The following C14orf39 variants were observed in gnomAD, a reference collection of about 807,000 sequenced individuals.
The protein encoded by C14orf39 is protein SIX6OS1.
In C14orf39, 66 loss-of-function variants were observed where a neutral mutation model predicts 85.6. The observed-to-expected ratio is 0.77, with a 90% CI of 0.63 to 0.95. The LOEUF is 0.95. C14orf39 is among the 40% of genes least tolerant of loss of function. The pLI, the probability that C14orf39 is intolerant of heterozygous loss-of-function variation, is 0.00. For missense variants in C14orf39, 735 were observed against 663.9 expected, an observed-to-expected ratio of 1.11 and a Z score of -1.18; for synonymous variants, 242 against 214.0, an observed-to-expected ratio of 1.13 and a Z score of -1.14.
Position 60,449,075 on chromosome 14 carries a change from T to C in C14orf39, c.1503+5926A>G, listed in dbSNP as rs531516961. ...GGGGGAGGGATAGCATTAGGAGAAA[T>C]ACCCAATGTAGATGACAAGTTGATT... On this transcript the variant is annotated intron_variant, in intron 16 of 17. Transcript: ENST00000321731. Among the ~76,000 whole-genome samples, 13 of 152,154 alleles carry C rather than the reference T, an allele frequency of 8.5e-5. No homozygotes were observed. The South Asian group carries it at 2.7e-3, about 32-fold the overall frequency.
At position 60,485,006 on chromosome 14, in the gene C14orf39, C is replaced by T. The variant is rs1269076845; in HGVS notation, c.49+24G>A. The stretch of plus-strand genomic sequence containing the variant: ...TATCAAATGATCATACAAAAAGCTA[C>T]CTATTTTTTCACTTTATACCTACCA... On this transcript the variant is annotated intron_variant, in intron 2 of 17. Coordinates refer to ENST00000321731, the MANE Select transcript of C14orf39 (RefSeq NM_174978.3). 5.0e-6 allele frequency: 8 copies of T among 1,591,268 alleles called. No individual in the cohort carries two copies. In the South Asian group the frequency reaches 7.0e-5, roughly 14 times the overall value.
At chr14:60,439,948 G>A (rs567031917) in intron 17 of C14orf39, among the ~76,000 whole-genome samples, 55 of 152,162 alleles carry the variant, frequency 3.6e-4, no homozygotes, top group African/African-American at 1.2e-3. Flanking sequence ...GGTGCTGGGC[G>A]CCTGTAATCC....
intron 4 of C14orf39, among the ~76,000 whole-genome samples, chr14:60,480,772 GA>G (rs60531858): frequency 0.82 from 125,042 of 152,078 alleles, 53,028 homozygotes; most frequent in Non-Finnish European, 0.92. Flanking sequence ...TATACAGCCT[GA>G]AAAAAAGTAG....
At chr14:60,475,736 C>A (rs930063886) in intron 5 of C14orf39, among the ~76,000 whole-genome samples, 1 of 152,004 alleles carries the variant, frequency 6.6e-6, no homozygotes, top group East Asian at 1.9e-4. Flanking sequence ...CAACTCTAAT[C>A]GAAAACATTG....
At chr14:60,509,587 C>T (rs541877596) in intron 1 of C14orf39, 2 of 1,613,226 alleles carry the variant, frequency 1.2e-6, no homozygotes, top group Admixed American at 1.7e-5. Context: ...TGGCCTTTCA[C>T]GGTGGCAACT....
chr14:60,478,673 T>C (rs1347309785), intron 4 of C14orf39, among the ~76,000 whole-genome samples: 1 of 152,206 alleles, frequency 6.6e-6, no homozygotes, highest in East Asian at 1.9e-4. Flanking sequence ...TGTGTATTGC[T>C]ATTGCATTTC....
Position 60,468,492 on chromosome 14 carries a change from CAG to C in C14orf39, c.718_719del (p.Leu240GlyfsTer22). The C allele has an allele frequency of 6.3e-7, 1 of 1,595,956 alleles. No individual in the cohort carries two copies. The highest frequency in any genetic ancestry group is 8.5e-7 in the Non-Finnish European group (1 of 1,170,250). On this transcript the variant is annotated frameshift_variant, in exon 9 of 18. Transcript: ENST00000321731. LOFTEE classifies it high-confidence loss of function. ...TTTCTGTATTTTTGTTCTTTTCTTC[CAG>C]AGTTTCTGAAAGAGCCTTAGTTTCA... Reference protein sequence around the residue: ...HNETKALSETLEEKNKNTENR... With the variant: ...HNETKALSETXEEKNKNTENR...
At chr14:60,461,651 C>T (rs1193384834) in intron 11 of C14orf39, 58 bp from the exon 12 acceptor site, 8 of 1,113,330 alleles carry the variant, frequency 7.2e-6, no homozygotes, top group Non-Finnish European at 1.0e-5. Flanking sequence ...AAATTTTTTG[C>T]TTGTCGTTAG....
chr14:60,477,368 A>G (rs1376068218), intron 5 of C14orf39, among the ~76,000 whole-genome samples: 1 of 152,162 alleles, frequency 6.6e-6, no homozygotes, highest in Admixed American at 6.5e-5. Flanking sequence ...CGTTTTAGTT[A>G]CAATATAAAA....
intron 1 of C14orf39, chr14:60,509,623 A>G: frequency 1.2e-6 from 2 of 1,613,834 alleles, no homozygotes; most frequent in African/African-American, 2.7e-5. Flanking sequence ...ATATCCTGGA[A>G]AACCACAAGT....
chr14:60,473,372 G>T (rs1892199205), intron 5 of C14orf39, among the ~76,000 whole-genome samples: 1 of 152,096 alleles, frequency 6.6e-6, no homozygotes, highest in Admixed American at 6.5e-5. Context: ...CACTCTGATG[G>T]TAGTTTCTTT....
chr14:60,487,358 A>G (rs1483466628), upstream of C14orf39, among the ~76,000 whole-genome samples: 5 of 152,124 alleles, frequency 3.3e-5, no homozygotes, highest in African/African-American at 1.2e-4. Context: ...GATTCCACCT[A>G]CAAGTGAAGT....
At chr14:60,466,852 C>A in intron 10 of C14orf39, 65 bp downstream of exon 10, 1 of 1,256,158 alleles carries the variant, frequency 8.0e-7, no homozygotes, top group East Asian at 2.9e-5. Context: ...AAAATTGCTT[C>A]CTTCTATTTC....
chr14:60,446,536 C>T (rs1285472035), intron 16 of C14orf39, among the ~76,000 whole-genome samples: 1 of 152,178 alleles, frequency 6.6e-6, no homozygotes, highest in East Asian at 1.9e-4. Context: ...ATGACAGATT[C>T]TGAAATTGAG....
chr14:60,514,866 C>A (rs1805248353), intron 1 of C14orf39, among the ~76,000 whole-genome samples: 1 of 152,206 alleles, frequency 6.6e-6, no homozygotes, highest in African/African-American at 2.4e-5. Context: ...TGAGGCGGAG[C>A]CCGGGGGCGG....
At chr14:60,512,008 CATATAT>C (rs1893301981) in intron 1 of C14orf39, 1 of 152,494 alleles carries the variant, frequency 6.6e-6, no homozygotes, top group Non-Finnish European at 1.5e-5. Flanking sequence ...CACGTATGTG[CATATAT>C]GTATGTACCT....
chr14:60,466,954 TCTTA>T lies in C14orf39; in HGVS notation c.854_857del (p.Val285AspfsTer3). On this transcript the variant is annotated frameshift_variant, in exon 10 of 18. Coordinates refer to ENST00000321731, the MANE Select transcript of C14orf39 (RefSeq NM_174978.3). LOFTEE classifies it high-confidence loss of function. The stretch of plus-strand genomic sequence containing the variant: ...GTTCTGAAGAATGCATCTTTATTGG[TCTTA>T]CTAATTTCTGAGATTCATAAGGAAG... The T allele has an allele frequency of 6.8e-7, 1 of 1,475,156 alleles. No individual in the cohort carries two copies. The allele number at this position is 1,475,156 out of a possible 1,614,324, so 91.4% of individuals were successfully genotyped here. A position where few individuals can be genotyped will look rare whatever the true frequency, so the allele number is the denominator to read the frequency against.
intron 16 of C14orf39, 95 bp from the exon 17 acceptor site, chr14:60,442,226 C>A (rs904575643): frequency 3.3e-5 from 25 of 748,618 alleles, no homozygotes; most frequent in Non-Finnish European, 5.5e-5. Flanking sequence ...TCTTCTAACA[C>A]ACAGAATTAA....
chr14:60,472,670 C>A (rs1440966937), intron 5 of C14orf39, among the ~76,000 whole-genome samples: 3 of 151,926 alleles, frequency 2.0e-5, no homozygotes, highest in African/African-American at 7.2e-5. Context: ...TTTGTCCTTG[C>A]AATAATAGTT....
Sources: allele counts gnomAD v4.1 joint callset (sites outside exome capture counted in the v4.1 genomes callset), GRCh38; gene constraint gnomAD v4.1.1; transcripts MANE v1.5; gene names NCBI Gene and HGNC (gene_info 2026-07-23, HGNC 2026-07-21).